SYNDIG1: variants seen among roughly 807,000 people sequenced by gnomAD.
SYNDIG1 encodes synapse differentiation inducing 1.
In SYNDIG1, 9 loss-of-function variants were observed where a neutral mutation model predicts 19.4. That is an observed-to-expected ratio of 0.46 (90% CI 0.28 to 0.81). The LOEUF is 0.81. SYNDIG1 is among the 30% of genes least tolerant of loss of function. SYNDIG1 has a pLI of 0.12. For synonymous variants in SYNDIG1, 141 were observed against 145.9 expected (o/e 0.97, Z 0.24); for missense variants, 311 against 343.3 (o/e 0.91, Z 0.74).
intron 3 of SYNDIG1, among the ~76,000 whole-genome samples, chr20:24,600,905 A>T (rs945650185): frequency 6.6e-6 from 1 of 152,104 alleles, no homozygotes; most frequent in Non-Finnish European, 1.5e-5. Context: ...ATGAGCCACC[A>T]TGCCCAGCCC....
In SYNDIG1 at chr20:24,665,468, C is replaced by G. The variant is rs768448654; in HGVS notation, c.741C>G (p.Ala247=). The stretch of plus-strand genomic sequence containing the variant: ...GCGTCTATGTGGGCGTGGCCGTGGC[C>G]CTCATCGCCTACCTCTCCAAGAACA... ...GTGVYVGVAV[A]LIAYLSKNNH... is the part of the protein sequence containing the mutation. Residue 247 remains alanine (A), a synonymous_variant, in exon 4 of 4, where the codon GCC becomes GCG. Coordinates refer to ENST00000376862, the MANE Select transcript of SYNDIG1 (RefSeq NM_024893.3). 2 of 1,614,052 alleles carry G rather than the reference C, an allele frequency of 1.2e-6. No homozygotes were observed. Among genetic ancestry groups the G allele is most frequent in the East Asian group, 4.5e-5 (2 of 44,872 alleles).
chr20:24,537,307 C>A (rs1485475067), intron 1 of SYNDIG1, among the ~76,000 whole-genome samples: 2 of 152,208 alleles, frequency 1.3e-5, no homozygotes, highest in East Asian at 3.8e-4. Context: ...TCACATGCAC[C>A]CATCAACCAA....
intron 3 of SYNDIG1, among the ~76,000 whole-genome samples, chr20:24,600,580 A>C (rs1488532917): frequency 6.7e-6 from 1 of 150,282 alleles, no homozygotes; most frequent in Non-Finnish European, 1.5e-5. Context: ...TGAGTTCCTT[A>C]ACCTTCATGT....
At chr20:24,496,575 C>A (rs1242813825) in intron 1 of SYNDIG1, among the ~76,000 whole-genome samples, 1 of 152,154 alleles carries the variant, frequency 6.6e-6, no homozygotes, top group Non-Finnish European at 1.5e-5. Context: ...TAATGCAGGG[C>A]AAGATACTGT....
intron 3 of SYNDIG1, among the ~76,000 whole-genome samples, chr20:24,610,958 C>T (rs940394400): frequency 2.6e-5 from 4 of 152,170 alleles, no homozygotes; most frequent in African/African-American, 9.7e-5. Context: ...CATCTTATTT[C>T]CTTAGTCAGA....
At chr20:24,545,430 C>A (rs535408053) in intron 2 of SYNDIG1, among the ~76,000 whole-genome samples, 1 of 151,998 alleles carries the variant, frequency 6.6e-6, no homozygotes, top group East Asian at 1.9e-4. Context: ...GACAGCAAAG[C>A]GTAAATGCTG....
chr20:24,553,630 C>A (rs1291031263), intron 2 of SYNDIG1, among the ~76,000 whole-genome samples: 1 of 152,114 alleles, frequency 6.6e-6, no homozygotes, highest in African/African-American at 2.4e-5. Context: ...AGATATGTGG[C>A]ATTATTTCTG....
intron 1 of SYNDIG1, among the ~76,000 whole-genome samples, chr20:24,532,408 T>C (rs1015111753): frequency 6.6e-6 from 1 of 152,100 alleles, no homozygotes; most frequent in Admixed American, 6.5e-5. Context: ...ATGTCCAGAA[T>C]AGGCAAATCC....
At position 24,611,519 on chromosome 20, in the gene SYNDIG1, A is replaced by AC. The variant is rs2058847500; in HGVS notation, c.618+26528dup. Among the ~76,000 whole-genome samples the AC allele has an allele frequency of 1.3e-5, 2 of 151,764 alleles. 1 individual carries two copies. The highest frequency in any genetic ancestry group is 4.2e-4 in the South Asian group (2 of 4,788). Reference sequence around the variant, plus strand: ...AGCACCCCCTCCCACCCATAGCTGGACCATCCTCCCCACGGGGTCTCGGGA... The same window carrying AC: ...AGCACCCCCTCCCACCCATAGCTGGACCCATCCTCCCCACGGGGTCTCGGGA... On this transcript the variant is annotated intron_variant, in intron 3 of 3. Coordinates refer to ENST00000376862, the MANE Select transcript of SYNDIG1 (RefSeq NM_024893.3).
rs962614290 is a variant in SYNDIG1, at chr20:24,665,841, TACAA to T, written c.*341_*344del. 10 of 311,486 alleles carry T rather than the reference TACAA, an allele frequency of 3.2e-5. No homozygotes were observed. The highest frequency in any genetic ancestry group is 5.4e-5 in the Admixed American group (1 of 18,564). 19.3% of individuals were successfully genotyped at this position (311,486 alleles called of 1,614,324 possible). On this transcript the variant is annotated 3_prime_UTR_variant, in exon 4 of 4. Coordinates refer to ENST00000376862, the MANE Select transcript of SYNDIG1 (RefSeq NM_024893.3). ...CCAGAGTGCCACCGCATTAGCAATA[TACAA>T]ACAGTCCAAAAAAGTGTTTATTTTT... is the stretch of plus-strand genomic sequence containing the variant.
At chr20:24,654,889 A>G (rs2059509706) in intron 3 of SYNDIG1, among the ~76,000 whole-genome samples, 2 of 152,236 alleles carry the variant, frequency 1.3e-5, no homozygotes, top group Non-Finnish European at 2.9e-5. Context: ...TCAGAAGTCC[A>G]AGGAAAAAAA....
intron 3 of SYNDIG1, among the ~76,000 whole-genome samples, chr20:24,659,027 C>T (rs1600839376): frequency 6.6e-6 from 1 of 152,088 alleles, no homozygotes; most frequent in African/African-American, 2.4e-5. Flanking sequence ...TCTCCAACTC[C>T]TCTCACCCCC....
At chr20:24,494,149 G>GGGGGC (rs1452536682) in intron 1 of SYNDIG1, among the ~76,000 whole-genome samples, 1 of 152,130 alleles carries the variant, frequency 6.6e-6, no homozygotes, top group Non-Finnish European at 1.5e-5. Context: ...GAAGAGGGCC[G>GGGGGC]GGGGCGGGGC....
At chr20:24,607,837 G>A (rs1339085596) in intron 3 of SYNDIG1, among the ~76,000 whole-genome samples, 1 of 152,204 alleles carries the variant, frequency 6.6e-6, no homozygotes, top group Non-Finnish European at 1.5e-5. Flanking sequence ...TTTACAGTGG[G>A]TAAGTCAAGG....
intron 3 of SYNDIG1, among the ~76,000 whole-genome samples, chr20:24,647,411 C>A (rs1333582450): frequency 1.3e-5 from 2 of 152,056 alleles, no homozygotes; most frequent in African/African-American, 4.8e-5. Flanking sequence ...GCTTCAGAGG[C>A]AAGTTTCTTC....
intron 1 of SYNDIG1, among the ~76,000 whole-genome samples, chr20:24,486,628 T>C (rs1483011098): frequency 6.6e-6 from 1 of 150,838 alleles, no homozygotes; most frequent in Admixed American, 6.6e-5. Context: ...TTCTTTTTTT[T>C]CTTTCTTTCA....
intron 1 of SYNDIG1, among the ~76,000 whole-genome samples, chr20:24,511,170 C>A (rs1489755919): frequency 6.6e-6 from 1 of 152,102 alleles, no homozygotes; most frequent in Non-Finnish European, 1.5e-5. Flanking sequence ...CAGGGCAGGC[C>A]ATTTCTTGGT....
intron 2 of SYNDIG1, among the ~76,000 whole-genome samples, chr20:24,574,811 G>A (rs2058201196): frequency 6.6e-6 from 1 of 152,186 alleles, no homozygotes; most frequent in Non-Finnish European, 1.5e-5. Context: ...TACACACAGA[G>A]GTGAATCTTA....
At chr20:24,579,117 G>A (rs1260612558) in intron 2 of SYNDIG1, among the ~76,000 whole-genome samples, 9 of 152,214 alleles carry the variant, frequency 5.9e-5, no homozygotes, top group Non-Finnish European at 1.3e-4. Context: ...GATAGGAAAA[G>A]GGGTTCGTGT....
Sources: gnomAD v4.1 joint callset for allele counts (sites outside exome capture counted in the v4.1 genomes callset) on GRCh38, gnomAD v4.1.1 for gene constraint, MANE v1.5 for transcripts, NCBI Gene and HGNC (gene_info 2026-07-23, HGNC 2026-07-21) for gene names.